Variants in FH observed in about 807,000 individuals in gnomAD.
FH encodes the protein fumarate hydratase, mitochondrial.
A neutral mutation model predicts 49.4 loss-of-function variants in FH; 22 were observed. The observed-to-expected ratio is 0.45, with a 90% CI of 0.32 to 0.64. The LOEUF (loss-of-function observed/expected upper bound fraction) is 0.64. Ranked by LOEUF, FH falls within the 30% of genes least tolerant of loss-of-function variation. FH has a pLI of 0.05. For missense variants in FH, 526 were observed against 641.5 expected, an observed-to-expected ratio of 0.82 and a Z score of 1.95; for synonymous variants, 208 against 223.0, an observed-to-expected ratio of 0.93 and a Z score of 0.60.
At chr1:241,515,937 C>T (rs1660199999) in intron 2 of FH, among the ~76,000 whole-genome samples, 1 of 152,074 alleles carries the variant, frequency 6.6e-6, no homozygotes. Context: ...GTTTTCTCAT[C>T]ATTTAATCAT....
In FH at chr1:241,508,606, C is replaced by T. The variant is rs1448288377; in HGVS notation, c.735G>A (p.Gly245=). Residue 245 remains glycine, a synonymous_variant, in exon 5 of 10, where the codon GGG becomes GGA. Transcript: ENST00000366560. ...CAAATTAGTCAAACTCCTATACCTGCCCAAGAGTAAGTGGAACAGCATCCT... is the reference window on the plus strand; with the variant it reads ...CAAATTAGTCAAACTCCTATACCTGTCCAAGAGTAAGTGGAACAGCATCCT... ...HTQDAVPLTL[G]QEFSGYVQQV... 1 of 1,612,564 alleles carries T rather than the reference C, an allele frequency of 6.2e-7. No individual in the cohort carries two copies. The highest frequency in any genetic ancestry group is 8.5e-7 in the Non-Finnish European group (1 of 1,178,652).
intron 6 of FH, among the ~76,000 whole-genome samples, chr1:241,505,608 T>C (rs190107543): frequency 2.0e-3 from 305 of 152,182 alleles, no homozygotes; most frequent in African/African-American, 6.5e-3. Flanking sequence ...ATTCAAAGAA[T>C]TATCACAGCA....
chr1:241,519,557 G>C (rs1235155211), intron 1 of FH, 34 bp downstream of exon 1: 2 of 1,542,986 alleles, frequency 1.3e-6, no homozygotes, highest in African/African-American at 2.8e-5. Context: ...GAAGGTCACT[G>C]CGGGGAGGCC....
In FH at chr1:241,497,635, GTATTT is replaced by G. The variant is rs1473843072; in HGVS notation, c.*188_*192del. The G allele has an allele frequency of 2.0e-6, 1 of 492,624 alleles. No individual in the cohort carries two copies. The highest frequency in any genetic ancestry group is 1.9e-5 in the African/African-American group (1 of 52,120). 30.5% of individuals were successfully genotyped at this position (492,624 alleles called of 1,614,324 possible). A position where few individuals can be genotyped will look rare whatever the true frequency, so the allele number is the denominator to read the frequency against. On this transcript the variant is annotated 3_prime_UTR_variant, in exon 10 of 10. Coordinates refer to ENST00000366560, the MANE Select transcript of FH (RefSeq NM_000143.4). ...CTGTTTTCCTTTTTATTTTATAAATGTATTTTATTTTATACTTGTTTAATCCATCT... is the reference window on the plus strand; with the variant it reads ...CTGTTTTCCTTTTTATTTTATAAATGTATTTTATACTTGTTTAATCCATCT...
intron 9 of FH, 73 bp downstream of exon 9, chr1:241,500,364 A>T: frequency 7.0e-7 from 1 of 1,437,848 alleles, no homozygotes; most frequent in Non-Finnish European, 9.8e-7. Context: ...ACACTGATCC[A>T]CTTGTCTCTT....
intron 2 of FH, among the ~76,000 whole-genome samples, chr1:241,514,956 G>A (rs1211716649): frequency 6.6e-6 from 1 of 152,142 alleles, no homozygotes; most frequent in Non-Finnish European, 1.5e-5. Context: ...TCTGAATGGA[G>A]TGAATGACCC....
chr1:241,519,452 G>T, intron 1 of FH, 139 bp downstream of exon 1: 2 of 1,070,064 alleles, frequency 1.9e-6, no homozygotes, highest in Non-Finnish European at 2.5e-6. Context: ...CGCCACGCCG[G>T]CACGGGCGCT....
intron 3 of FH, among the ~76,000 whole-genome samples, chr1:241,513,328 T>C (rs1468588641): frequency 6.6e-6 from 1 of 152,118 alleles, no homozygotes; most frequent in East Asian, 1.9e-4. Flanking sequence ...AAAGTTCAAA[T>C]GATATCTTTT....
chr1:241,519,157 C>G (rs1445425538), intron 1 of FH: 2 of 171,682 alleles, frequency 1.2e-5, no homozygotes, highest in African/African-American at 4.8e-5. Context: ...CCAGCAAGGC[C>G]CAGCTATGGG....
intron 9 of FH, among the ~76,000 whole-genome samples, chr1:241,498,692 A>ATATATATATAT: frequency 1.8e-5 from 1 of 54,144 alleles, no homozygotes; most frequent in African/African-American, 7.3e-5. Context: ...AAGCTGTCTT[A>ATATATATATAT]ACATATATAT....
intron 1 of FH, among the ~76,000 whole-genome samples, chr1:241,518,797 A>C (rs555978643): frequency 6.6e-6 from 1 of 152,384 alleles, no homozygotes; most frequent in African/African-American, 2.4e-5. Flanking sequence ...GCATTCCTAA[A>C]GATGACACTC....
At chr1:241,508,388 G>C (rs1235695910) in intron 5 of FH, among the ~76,000 whole-genome samples, 1 of 152,176 alleles carries the variant, frequency 6.6e-6, no homozygotes, top group Non-Finnish European at 1.5e-5. Context: ...ATTTGAACCC[G>C]AGCAGTCTGA....
Position 241,500,608 on chromosome 1 carries a change from A to AGAGAGC in FH, c.1237-19_1237-18insGCTCTC, listed in dbSNP as rs1341145710. The AGAGAGC allele has an allele frequency of 6.4e-7, 1 of 1,551,994 alleles. No homozygotes were observed. Among genetic ancestry groups the AGAGAGC allele is most frequent in the Non-Finnish European group, 8.7e-7 (1 of 1,147,700 alleles). On this transcript the variant is annotated intron_variant, in intron 8 of 9. Coordinates refer to ENST00000366560, the MANE Select transcript of FH (RefSeq NM_000143.4). ...TTTTTAATCTTTGAGTGAGTGAGAG[A>AGAGAGC]GAGAGAGAGAGAGAGAGAGAGAGAG... is the stretch of plus-strand genomic sequence containing the variant.
chr1:241,506,728 C>T (rs1490880700), intron 5 of FH, among the ~76,000 whole-genome samples: 1 of 152,132 alleles, frequency 6.6e-6, no homozygotes, highest in Non-Finnish European at 1.5e-5. Flanking sequence ...CATTGAAGGA[C>T]CTTCCAAAAA....
intron 8 of FH, among the ~76,000 whole-genome samples, chr1:241,501,968 G>A (rs1659792802): frequency 6.6e-6 from 1 of 152,356 alleles, no homozygotes; most frequent in Admixed American, 6.5e-5. Flanking sequence ...AAGCAGGGAT[G>A]AAGAATGTTT....
At chr1:241,516,530 T>G (rs1203055680) in intron 2 of FH, among the ~76,000 whole-genome samples, 1 of 152,020 alleles carries the variant, frequency 6.6e-6, no homozygotes, top group Middle Eastern at 3.4e-3. Flanking sequence ...GCAGAAAAAA[T>G]AGCTAATGCC....
intron 9 of FH, among the ~76,000 whole-genome samples, chr1:241,498,955 T>C (rs1456607364): frequency 1.3e-5 from 2 of 151,704 alleles, no homozygotes; most frequent in East Asian, 3.9e-4. Flanking sequence ...GCTAAATATG[T>C]TGAAAAGGGC....
intron 9 of FH, 133 bp from the exon 10 acceptor site, chr1:241,498,103 T>A: frequency 1.3e-6 from 1 of 796,204 alleles, no homozygotes; most frequent in Non-Finnish European, 2.1e-6. Context: ...GTTTTTAAAT[T>A]AGTTAACAGT....
At chr1:241,506,755 T>C (rs552801973) in intron 5 of FH, among the ~76,000 whole-genome samples, 1 of 152,304 alleles carries the variant, frequency 6.6e-6, no homozygotes, top group African/African-American at 2.4e-5. Context: ...GAGGTAACGG[T>C]AGAGTCAGAT....
Sources: allele counts gnomAD v4.1 joint callset (sites outside exome capture counted in the v4.1 genomes callset), GRCh38; gene constraint gnomAD v4.1.1; transcripts MANE v1.5; gene names NCBI Gene and HGNC (gene_info 2026-07-23, HGNC 2026-07-21).